SSBP2: variants seen among roughly 807,000 people sequenced by gnomAD.
The protein encoded by SSBP2 is single-stranded DNA-binding protein 2.
SSBP2 carries 17 observed loss-of-function variants against 61.8 expected under a neutral mutation model. That is an observed-to-expected ratio of 0.28 (90% CI 0.19 to 0.41). SSBP2 has a LOEUF of 0.41. SSBP2 is among the 10% of genes least tolerant of loss of function. The probability of loss-of-function intolerance (pLI) is 1.00; values close to 1 mark genes in which losing one functional copy is unlikely to be tolerated. For synonymous variants in SSBP2, 139 were observed against 141.3 expected, an observed-to-expected ratio of 0.98 and a Z score of 0.12; for missense variants, 310 against 458.7, an observed-to-expected ratio of 0.68 and a Z score of 2.96.
In SSBP2 at chr5:81,628,948, C is replaced by T. The variant is rs1002718883; in HGVS notation, c.197+7609G>A. ...TCCCACTCTTCACCAACTTTTCCCC[C>T]GAGTCTACTAGTCTCTGCCTCTTTT... On this transcript the variant is annotated intron_variant, in intron 3 of 16. Coordinates refer to ENST00000320672, the MANE Select transcript of SSBP2 (RefSeq NM_012446.5). 2.6e-5 allele frequency among the ~76,000 whole-genome samples: 4 copies of T among 152,092 alleles called. No homozygotes were observed. In the East Asian group the frequency reaches 5.8e-4, roughly 22 times the overall value.
chr5:81,718,576 T>C (rs1457338875), intron 1 of SSBP2, among the ~76,000 whole-genome samples: 1 of 152,102 alleles, frequency 6.6e-6, no homozygotes, highest in Non-Finnish European at 1.5e-5. Flanking sequence ...CTTAAGAGAT[T>C]AGGAAGTTGG....
In SSBP2 at chr5:81,707,431, C is replaced by T. The variant is rs141363991; in HGVS notation, c.62+43550G>A. On this transcript the variant is annotated intron_variant, in intron 1 of 16. Coordinates refer to ENST00000320672, the MANE Select transcript of SSBP2 (RefSeq NM_012446.5). ...AAGGAGAAATTTGGACACAGAGATA[C>T]TTACAGAGGGAAGGTGACATGAAGA... Among the ~76,000 whole-genome samples the T allele has an allele frequency of 2.7e-3, 409 of 152,146 alleles. 2 individuals carry two copies. Among genetic ancestry groups the T allele is most frequent in the African/African-American group, 9.4e-3 (389 of 41,520 alleles).
intron 4 of SSBP2, 139 bp from the exon 5 acceptor site, chr5:81,513,856 TA>T (rs1459791736): frequency 2.5e-5 from 14 of 557,344 alleles, no homozygotes; most frequent in Non-Finnish European, 4.2e-5. Flanking sequence ...ATCCTAGAAG[TA>T]AACTGAGATA....
At chr5:81,534,590 T>C (rs1770669567) in intron 4 of SSBP2, among the ~76,000 whole-genome samples, 2 of 152,108 alleles carry the variant, frequency 1.3e-5, no homozygotes, top group African/African-American at 4.8e-5. Flanking sequence ...ATAATTTTAT[T>C]ACTAGACGAG....
At chr5:81,445,125 G>C (rs1227155809) in intron 12 of SSBP2, among the ~76,000 whole-genome samples, 4 of 39,546 alleles carry the variant, frequency 1.0e-4, no homozygotes, top group Non-Finnish European at 1.5e-4. Flanking sequence ...TCTCAGCAAA[G>C]AAAAAAAAAA....
intron 9 of SSBP2, among the ~76,000 whole-genome samples, chr5:81,463,474 G>C (rs1201485996): frequency 6.6e-6 from 1 of 152,058 alleles, no homozygotes; most frequent in South Asian, 2.1e-4. Context: ...CCGAGGCGGG[G>C]GGACCACTTG....
chr5:81,444,092 TA>T (rs1429635973), intron 12 of SSBP2, among the ~76,000 whole-genome samples: 2 of 152,232 alleles, frequency 1.3e-5, no homozygotes, highest in Non-Finnish European at 2.9e-5. Context: ...CCCATAAATC[TA>T]AATACTGTAT....
At chr5:81,593,739 C>T (rs1262300300) in intron 4 of SSBP2, among the ~76,000 whole-genome samples, 1 of 152,166 alleles carries the variant, frequency 6.6e-6, no homozygotes, top group African/African-American at 2.4e-5. Context: ...TCCAGCCAAA[C>T]TAAGCTTCAC....
intron 16 of SSBP2, among the ~76,000 whole-genome samples, chr5:81,425,848 C>T (rs1561381472): frequency 6.6e-6 from 1 of 152,030 alleles, no homozygotes; most frequent in Non-Finnish European, 1.5e-5. Context: ...TTGAATGAAG[C>T]AGCATGTGTG....
intron 1 of SSBP2, among the ~76,000 whole-genome samples, chr5:81,725,485 A>G (rs1204347028): frequency 1.3e-5 from 2 of 152,168 alleles, no homozygotes; most frequent in Non-Finnish European, 2.9e-5. Context: ...ATATGTATAT[A>G]TACCCTATTA....
intron 12 of SSBP2, 51 bp from the exon 13 acceptor site, chr5:81,442,774 A>G: frequency 2.1e-6 from 2 of 942,894 alleles, no homozygotes; most frequent in Non-Finnish European, 3.2e-6. Flanking sequence ...TCTATACCCA[A>G]TTCATCACAA....
chr5:81,724,252 A>C (rs903545373), intron 1 of SSBP2, among the ~76,000 whole-genome samples: 1 of 152,060 alleles, frequency 6.6e-6, no homozygotes, highest in African/African-American at 2.4e-5. Context: ...GGCATCTTTA[A>C]AACATTATGT....
chr5:81,747,663 T>C (rs1757443349), intron 1 of SSBP2, among the ~76,000 whole-genome samples: 1 of 152,192 alleles, frequency 6.6e-6, no homozygotes, highest in African/African-American at 2.4e-5. Flanking sequence ...ACATCTTCAA[T>C]AACAATAATT....
At chr5:81,508,296 T>C (rs1768333907) in intron 5 of SSBP2, among the ~76,000 whole-genome samples, 1 of 152,156 alleles carries the variant, frequency 6.6e-6, no homozygotes, top group African/African-American at 2.4e-5. Flanking sequence ...AAAGCTGCTC[T>C]AAAGTCATTC....
intron 4 of SSBP2, among the ~76,000 whole-genome samples, chr5:81,588,235 G>C (rs2153504209): frequency 6.6e-6 from 1 of 152,196 alleles, no homozygotes; most frequent in East Asian, 1.9e-4. Context: ...GAGCCACCAT[G>C]CCTGGCTGAA....
intron 4 of SSBP2, among the ~76,000 whole-genome samples, chr5:81,522,070 GAAA>G (rs986880440): frequency 2.6e-5 from 4 of 151,948 alleles, no homozygotes; most frequent in African/African-American, 9.7e-5. Flanking sequence ...TGAACGGTGA[GAAA>G]AACAGTATAC....
In SSBP2 at chr5:81,524,954, TGGCAGGG is replaced by T. The variant is rs1272690867; in HGVS notation, c.283-11244_283-11238del. 1.6e-3 allele frequency among the ~76,000 whole-genome samples: 249 copies of T among 152,142 alleles called. 3 individuals are homozygous for T. The East Asian group carries it at 0.039, about 24-fold the overall frequency. Reference sequence around the variant, plus strand: ...TAGACTGTAGTGAAGCTAGTTCCTATGGCAGGGAAAATATAAATACAACTGAAACCAT... The same window carrying T: ...TAGACTGTAGTGAAGCTAGTTCCTATAAAATATAAATACAACTGAAACCAT... On this transcript the variant is annotated intron_variant, in intron 4 of 16. Coordinates refer to ENST00000320672, the MANE Select transcript of SSBP2 (RefSeq NM_012446.5).
In SSBP2 at chr5:81,563,477, AGACATTGATAAAT is replaced by A. The variant is rs1451740969; in HGVS notation, c.283-49773_283-49761del. Among the ~76,000 whole-genome samples the A allele has an allele frequency of 6.6e-5, 10 of 152,308 alleles. No individual in the cohort carries two copies. In the South Asian group the frequency reaches 1.9e-3, roughly 28 times the overall value. On this transcript the variant is annotated intron_variant, in intron 4 of 16. Coordinates refer to ENST00000320672, the MANE Select transcript of SSBP2 (RefSeq NM_012446.5). Reference sequence around the variant, plus strand: ...CTCCTTAGATACACCACCAAAAGAAAGACATTGATAAATGAAACTTCATCAAAAGTAAAAACTT... The same window carrying A: ...CTCCTTAGATACACCACCAAAAGAAAGAAACTTCATCAAAAGTAAAAACTT...
intron 4 of SSBP2, among the ~76,000 whole-genome samples, chr5:81,581,588 A>G (rs1774651838): frequency 6.6e-6 from 1 of 152,216 alleles, no homozygotes; most frequent in South Asian, 2.1e-4. Context: ...TGCTGGGAGA[A>G]TCTATCAGTT....
Sources: allele counts gnomAD v4.1 joint callset (sites outside exome capture counted in the v4.1 genomes callset), GRCh38; gene constraint gnomAD v4.1.1; transcripts MANE v1.5; gene names NCBI Gene and HGNC (gene_info 2026-07-23, HGNC 2026-07-21).